Variants in KIF15 observed in about 807,000 individuals in gnomAD.
KIF15 encodes the protein kinesin family member 15.
In KIF15, 140 loss-of-function variants were observed where a neutral mutation model predicts 190.6. The observed-to-expected ratio is 0.73, with a 90% CI of 0.64 to 0.84. The LOEUF (loss-of-function observed/expected upper bound fraction) is 0.84. Among genes scored for constraint, KIF15 ranks in the 40% least tolerant of loss-of-function variants. The probability of loss-of-function intolerance (pLI) is 0.00; values close to 1 mark genes in which losing one functional copy is unlikely to be tolerated. For missense variants in KIF15, 1,372 were observed against 1,584.4 expected, an observed-to-expected ratio of 0.87 and a Z score of 2.28; for synonymous variants, 528 against 551.3, an observed-to-expected ratio of 0.96 and a Z score of 0.59.
Position 44,784,910 on chromosome 3 carries a change from T to C in KIF15, c.427T>C (p.Leu143=). 3.8e-6 allele frequency: 6 copies of C among 1,581,790 alleles called. No homozygotes were observed. The highest frequency in any genetic ancestry group is 5.2e-6 in the Non-Finnish European group (6 of 1,157,308). ...AGTAATCCCACGAAGTTTTGAATAT[T>C]TGTTTTCCTTAATTGATCGTGAAAA... ...RGVIPRSFEY[L]FSLIDREKEK... Residue 143 remains leucine (L), a synonymous_variant, in exon 6 of 35, where the codon TTG becomes CTG. Coordinates refer to ENST00000326047, the MANE Select transcript of KIF15 (RefSeq NM_020242.3).
At position 44,838,562 on chromosome 3, in the gene KIF15, G is replaced by A. The variant is rs971779411; in HGVS notation, c.3318+141G>A. On this transcript the variant is annotated intron_variant, in intron 27 of 34. Transcript: ENST00000326047. ...GTTCAAGAGCAGTCTGGCCAACATG[G>A]TGAACTGAAACCCTGTCTCTACTAA... is the stretch of plus-strand genomic sequence containing the variant. The A allele has an allele frequency of 3.3e-5, 25 of 763,232 alleles. No individual in the cohort carries two copies. In the Admixed American group the frequency reaches 6.3e-4, roughly 19 times the overall value. 47.3% of individuals were successfully genotyped at this position (763,232 alleles called of 1,614,324 possible). A position where few individuals can be genotyped will look rare whatever the true frequency, so the allele number is the denominator to read the frequency against.
chr3:44,844,175 G>A (rs1211350036), intron 30 of KIF15, among the ~76,000 whole-genome samples: 1 of 152,180 alleles, frequency 6.6e-6, no homozygotes, highest in Non-Finnish European at 1.5e-5. Context: ...CACTCCTGCA[G>A]CTCCCTGGCC....
chr3:44,843,916 A>G (rs1354652327), intron 30 of KIF15, among the ~76,000 whole-genome samples: 3 of 152,240 alleles, frequency 2.0e-5, no homozygotes, highest in Non-Finnish European at 2.9e-5. Context: ...TTACATGTAT[A>G]AAGTGCCAGT....
chr3:44,826,551 G>A, intron 22 of KIF15, 91 bp downstream of exon 22: 2 of 832,840 alleles, frequency 2.4e-6, no homozygotes, highest in Non-Finnish European at 1.8e-6. Flanking sequence ...CCAATACCCT[G>A]TAAAGAGTTA....
chr3:44,863,303 C>CG (rs1553668735), intron 6 of KIF15: 3 of 95,472 alleles, frequency 3.1e-5, no homozygotes, highest in Non-Finnish European at 7.3e-5. Context: ...ATTCCGCACC[C>CG]CCCCCCCCCG....
At chr3:44,778,997 A>AAC (rs1384163917) in intron 4 of KIF15, among the ~76,000 whole-genome samples, 5 of 151,494 alleles carry the variant, frequency 3.3e-5, no homozygotes, top group Non-Finnish European at 5.9e-5. Context: ...AAAAAAAAAA[A>AAC]AAAACCAAAA....
intron 8 of KIF15, 116 bp downstream of exon 8, chr3:44,794,542 C>A (rs1706880068): frequency 2.7e-6 from 2 of 734,996 alleles, no homozygotes; most frequent in African/African-American, 3.6e-5. Flanking sequence ...ATGGGGGTCC[C>A]TTAAGAGTAT....
At chr3:44,806,937 G>A (rs944904359) in intron 16 of KIF15, among the ~76,000 whole-genome samples, 15 of 151,890 alleles carry the variant, frequency 9.9e-5, no homozygotes, top group African/African-American at 3.4e-4. Flanking sequence ...GTAGAGATGG[G>A]GTTTCGCCAT....
intron 10 of KIF15, 119 bp from the exon 11 acceptor site, chr3:44,800,195 T>A (rs1707199830): frequency 1.2e-6 from 1 of 851,088 alleles, no homozygotes; most frequent in Non-Finnish European, 1.8e-6. Context: ...TTGACTATGA[T>A]GTGGTCTTGA....
At chr3:44,775,854 G>A (rs887144626) in intron 3 of KIF15, among the ~76,000 whole-genome samples, 1 of 151,742 alleles carries the variant, frequency 6.6e-6, no homozygotes, top group African/African-American at 2.4e-5. Context: ...AGCTGAGGGG[G>A]CAAATCATGA....
At position 44,761,815 on chromosome 3, in the gene KIF15, G is replaced by C; in HGVS notation, c.-51G>C. The C allele has an allele frequency of 6.2e-7, 1 of 1,613,564 alleles. No individual in the cohort carries two copies. The highest frequency in any genetic ancestry group is 1.1e-5 in the South Asian group (1 of 91,058). ...ATTCAGTCGCGCGCGGTGCAGTCGG[G>C]AGGTGGAGGCACCGGCTGCATTGTT... On this transcript the variant is annotated 5_prime_UTR_variant, in exon 1 of 35. Transcript: ENST00000326047.
intron 12 of KIF15, 40 bp from the exon 13 acceptor site, chr3:44,801,725 A>G: frequency 7.6e-7 from 1 of 1,313,036 alleles, no homozygotes; most frequent in Non-Finnish European, 1.1e-6. Flanking sequence ...GGGAAGTCAA[A>G]TTATTTTTCA....
At chr3:44,783,948 A>G (rs186519554) in intron 5 of KIF15, among the ~76,000 whole-genome samples, 255 of 152,288 alleles carry the variant, frequency 1.7e-3, no homozygotes, top group African/African-American at 5.8e-3. Flanking sequence ...GAATCCTGCT[A>G]TTTGCATATC....
intron 34 of KIF15, 31 bp from the exon 35 acceptor site, chr3:44,852,642 T>C: frequency 2.0e-6 from 3 of 1,510,116 alleles, no homozygotes; most frequent in Non-Finnish European, 2.7e-6. Flanking sequence ...AGCCTTATTT[T>C]TTTTCTTTTT....
At chr3:44,857,196 G>A (rs564360458), downstream of KIF15, among the ~76,000 whole-genome samples, 190 of 152,282 alleles carry the variant, frequency 1.2e-3, no homozygotes, top group African/African-American at 4.3e-3. Flanking sequence ...ACTGAAGTCC[G>A]GGCCAGAAAA....
At position 44,812,984 on chromosome 3, in the gene KIF15, C is replaced by CG. The variant is rs1171187014; in HGVS notation, c.2278-91_2278-90insG. 1.6e-4 allele frequency: 96 copies of CG among 617,330 alleles called. No individual in the cohort carries two copies. In the African/African-American group the frequency reaches 1.7e-3, roughly 11 times the overall value. 38.2% of individuals were successfully genotyped at this position (617,330 alleles called of 1,614,324 possible). On this transcript the variant is annotated intron_variant, in intron 18 of 34. Transcript: ENST00000326047. ...TGGGTGACAGAGCAAGACTCTGTCT[C>CG]AAAAAAAAAAAAAGAAACAGGTTAA...
intron 9 of KIF15, 78 bp from the exon 10 acceptor site, chr3:44,797,756 C>A: frequency 6.2e-7 from 1 of 1,601,370 alleles, no homozygotes; most frequent in Non-Finnish European, 8.5e-7. Context: ...GCCTTGGTGG[C>A]AAGAGTATAC....
chr3:44,825,379 C>T (rs1013020709), intron 20 of KIF15, among the ~76,000 whole-genome samples: 1 of 152,146 alleles, frequency 6.6e-6, no homozygotes, highest in African/African-American at 2.4e-5. Flanking sequence ...GTTAGTACAG[C>T]AGATATTCCA....
At chr3:44,786,916 G>A (rs929685925) in intron 7 of KIF15, among the ~76,000 whole-genome samples, 4 of 152,064 alleles carry the variant, frequency 2.6e-5, no homozygotes, top group African/African-American at 9.7e-5. Flanking sequence ...TCTTTTCTAC[G>A]TTGCTTGCTT....
Sources: gnomAD v4.1 joint callset for allele counts (sites outside exome capture counted in the v4.1 genomes callset) on GRCh38, gnomAD v4.1.1 for gene constraint, MANE v1.5 for transcripts, NCBI Gene and HGNC (gene_info 2026-07-23, HGNC 2026-07-21) for gene names.